EPB41L4A: variants seen among roughly 807,000 people sequenced by gnomAD.
EPB41L4A encodes band 4.1-like protein 4A.
A neutral mutation model predicts 108.6 loss-of-function variants in EPB41L4A; 100 were observed. The observed-to-expected ratio is 0.92, with a 90% CI of 0.78 to 1.09. EPB41L4A has a LOEUF of 1.09. Ranked by LOEUF, EPB41L4A falls within the 50% of genes least tolerant of loss-of-function variation. The pLI is 0.00. For missense variants in EPB41L4A, 1,030 were observed against 842.7 expected, an observed-to-expected ratio of 1.22 and a Z score of -2.75; for synonymous variants, 319 against 289.0, an observed-to-expected ratio of 1.10 and a Z score of -1.05.
chr5:112,391,329 GA>G (rs913919113), intron 1 of EPB41L4A, among the ~76,000 whole-genome samples: 2 of 152,000 alleles, frequency 1.3e-5, no homozygotes, highest in East Asian at 1.9e-4. Flanking sequence ...TAAAAACTTT[GA>G]AAAAAGATGA....
At position 112,163,204 on chromosome 5, in the gene EPB41L4A, CAG is replaced by C. The variant is rs1171686386; in HGVS notation, c.*1784_*1785del. 6.6e-6 allele frequency: 1 copy of C among 152,056 alleles called. No homozygotes were observed. The allele number at this position is 152,056 out of a possible 1,614,324, so 9.4% of individuals were successfully genotyped here. A position where few individuals can be genotyped will look rare whatever the true frequency, so the allele number is the denominator to read the frequency against. On this transcript the variant is annotated 3_prime_UTR_variant, in exon 23 of 23. Coordinates refer to ENST00000261486, the MANE Select transcript of EPB41L4A (RefSeq NM_022140.5). The stretch of plus-strand genomic sequence containing the variant: ...AATAAGATCGTTTATAGTTGGATGA[CAG>C]AGCCAACTAGACGTGGTAATAGTGG...
chr5:112,239,059 G>A (rs1238535048), intron 11 of EPB41L4A, among the ~76,000 whole-genome samples: 1 of 152,158 alleles, frequency 6.6e-6, no homozygotes, highest in Non-Finnish European at 1.5e-5. Flanking sequence ...TGGATTACCT[G>A]GAGAAGGGAC....
intron 9 of EPB41L4A, 41 bp from the exon 10 acceptor site, chr5:112,240,851 G>C: frequency 7.9e-7 from 1 of 1,263,190 alleles, no homozygotes; most frequent in Non-Finnish European, 1.1e-6. Flanking sequence ...AATGACCAGG[G>C]AAGGAAGATA....
chr5:112,391,762 C>G (rs1260139733), intron 1 of EPB41L4A, among the ~76,000 whole-genome samples: 1 of 151,996 alleles, frequency 6.6e-6, no homozygotes, highest in Non-Finnish European at 1.5e-5. Flanking sequence ...AGAGCAACCC[C>G]AAGACACATA....
rs201809605 is a variant in EPB41L4A, at chr5:112,165,009, C to G, written c.2042G>C (p.Arg681Pro). 1.2e-6 allele frequency: 2 copies of G among 1,613,600 alleles called. No homozygotes were observed. The highest frequency in any genetic ancestry group is 8.5e-7 in the Non-Finnish European group (1 of 1,179,852). ...TCAGGATCAAGTCTCTGTCTTGAGG[C>G]GGGAAGCTTGTATAGTTTTTATTGT... ...AKTIKTIQASRLKTET is the reference protein window; with the variant it reads ...AKTIKTIQASPLKTET Residue 681 changes from arginine to proline, a missense_variant, in exon 23 of 23, where the codon CGC (arginine) becomes CCC (proline). Coordinates refer to ENST00000261486, the MANE Select transcript of EPB41L4A (RefSeq NM_022140.5).
intron 12 of EPB41L4A, among the ~76,000 whole-genome samples, chr5:112,155,425 A>T (rs1010396014): frequency 6.6e-6 from 1 of 152,158 alleles, no homozygotes; most frequent in African/African-American, 2.4e-5. Context: ...ACAATTAGTA[A>T]TATGACAGCA....
In EPB41L4A at chr5:112,296,966, C is replaced by T. The variant is rs1052392314; in HGVS notation, c.204+10420G>A. ...TTCCATTTTATGGCTGAGTAGTATT[C>T]CATCACATACATATATACATACATA... On this transcript the variant is annotated intron_variant, in intron 2 of 22. Coordinates refer to ENST00000261486, the MANE Select transcript of EPB41L4A (RefSeq NM_022140.5). Among the ~76,000 whole-genome samples the T allele has an allele frequency of 2.0e-5, 3 of 148,948 alleles. No individual in the cohort carries two copies. In the South Asian group the frequency reaches 6.4e-4, roughly 32 times the overall value.
In EPB41L4A at chr5:112,202,685, T is replaced by C. The variant is rs557488830; in HGVS notation, c.1376+1690A>G. ...GAAGGTAATATAGACCCTTCTCTTC[T>C]TAACCATCAAAGGATTTCAGTGAAG... is the stretch of plus-strand genomic sequence containing the variant. On this transcript the variant is annotated intron_variant, in intron 15 of 22. Transcript: ENST00000261486. Among the ~76,000 whole-genome samples the C allele has an allele frequency of 4.3e-4, 65 of 152,246 alleles. 1 individual carries two copies. In the South Asian group the frequency reaches 0.013, roughly 30 times the overall value.
chr5:112,198,070 G>A (rs1762047009), intron 15 of EPB41L4A, among the ~76,000 whole-genome samples: 1 of 151,236 alleles, frequency 6.6e-6, no homozygotes, highest in African/African-American at 2.4e-5. Context: ...TTTCACTCTT[G>A]TGGCCCAACC....
At chr5:112,197,493 T>C (rs1052883962) in intron 15 of EPB41L4A, among the ~76,000 whole-genome samples, 2 of 152,228 alleles carry the variant, frequency 1.3e-5, no homozygotes, top group African/African-American at 2.4e-5. Context: ...ACGATCTAAA[T>C]AGTGTTCCAG....
At chr5:112,352,205 A>C (rs777362655) in intron 1 of EPB41L4A, among the ~76,000 whole-genome samples, 1 of 152,210 alleles carries the variant, frequency 6.6e-6, no homozygotes, top group Non-Finnish European at 1.5e-5. Context: ...AGTTCCTTGA[A>C]ATACATCATT....
chr5:112,357,837 T>C (rs1348920461), intron 1 of EPB41L4A, among the ~76,000 whole-genome samples: 1 of 151,774 alleles, frequency 6.6e-6, no homozygotes, highest in Non-Finnish European at 1.5e-5. Flanking sequence ...CCACTGAGAA[T>C]GAGCAGTATG....
intron 1 of EPB41L4A, among the ~76,000 whole-genome samples, chr5:112,383,317 T>C (rs546513616): frequency 4.6e-5 from 7 of 152,342 alleles, no homozygotes; most frequent in African/African-American, 1.7e-4. Context: ...AGCAATAAAC[T>C]GTTTTAAAAG....
chr5:112,366,017 A>T (rs1759100624), intron 1 of EPB41L4A, among the ~76,000 whole-genome samples: 1 of 152,220 alleles, frequency 6.6e-6, no homozygotes, highest in Non-Finnish European at 1.5e-5. Flanking sequence ...CAAGTTTAAT[A>T]TCAGTACTAC....
intron 1 of EPB41L4A, among the ~76,000 whole-genome samples, chr5:112,346,006 G>T (rs1757638146): frequency 6.6e-6 from 1 of 151,818 alleles, no homozygotes; most frequent in Non-Finnish European, 1.5e-5. Flanking sequence ...CAAGGACAAG[G>T]CAGATCAATG....
intron 1 of EPB41L4A, among the ~76,000 whole-genome samples, chr5:112,407,101 A>G (rs187562295): frequency 6.6e-6 from 1 of 152,126 alleles, no homozygotes; most frequent in Admixed American, 6.6e-5. Context: ...CTGACAGGAA[A>G]AAGCAATGAC....
intron 19 of EPB41L4A, 103 bp from the exon 20 acceptor site, chr5:112,170,472 A>C (rs1444903392): frequency 1.2e-5 from 9 of 760,358 alleles, no homozygotes; most frequent in African/African-American, 1.1e-4. Flanking sequence ...CTTGTCCCAA[A>C]ACAGTGTTAG....
At chr5:112,232,267 A>G (rs1028601901) in intron 12 of EPB41L4A, among the ~76,000 whole-genome samples, 46 of 152,326 alleles carry the variant, frequency 3.0e-4, no homozygotes, top group African/African-American at 1.1e-3. Flanking sequence ...TAAGTAATAC[A>G]TAAGCTTCAT....
chr5:112,143,374 A>G (rs1036920406), exon 14 of EPB41L4A: 3 of 152,336 alleles, frequency 2.0e-5, no homozygotes, highest in African/African-American at 7.2e-5. Flanking sequence ...GATTGTTGCT[A>G]CTTTTATTAT....
Sources: allele counts gnomAD v4.1 joint callset (sites outside exome capture counted in the v4.1 genomes callset), GRCh38; gene constraint gnomAD v4.1.1; transcripts MANE v1.5; gene names NCBI Gene and HGNC (gene_info 2026-07-23, HGNC 2026-07-21).